Variants in RGS6 observed in about 807,000 individuals in gnomAD.
The protein encoded by RGS6 is regulator of G-protein signaling 6.
Under a neutral mutation model 78.5 loss-of-function variants are expected in RGS6, and 30 were observed. That is an observed-to-expected ratio of 0.38 (90% CI 0.29 to 0.52). The LOEUF is 0.52. Ranked by LOEUF, RGS6 falls within the 20% of genes least tolerant of loss-of-function variation. The pLI, the probability that RGS6 is intolerant of heterozygous loss-of-function variation, is 0.85. For missense variants in RGS6, 495 were observed against 609.7 expected, an observed-to-expected ratio of 0.81 and a Z score of 1.98; for synonymous variants, 206 against 206.0, an observed-to-expected ratio of 1.00 and a Z score of 0.00.
At chr14:72,148,966 C>T (rs1465302144) in intron 2 of RGS6, among the ~76,000 whole-genome samples, 1 of 152,166 alleles carries the variant, frequency 6.6e-6, no homozygotes, top group Non-Finnish European at 1.5e-5. Context: ...TTACTGTGCT[C>T]ATTAATCTGA....
At chr14:72,309,350 A>G (rs2068011005) in intron 2 of RGS6, among the ~76,000 whole-genome samples, 1 of 152,222 alleles carries the variant, frequency 6.6e-6, no homozygotes. Context: ...TCGTGGTTGC[A>G]AATCTAGCAC....
intron 3 of RGS6, among the ~76,000 whole-genome samples, chr14:72,440,796 A>AT (rs1490647452): frequency 6.6e-6 from 1 of 151,976 alleles, no homozygotes; most frequent in Non-Finnish European, 1.5e-5. Flanking sequence ...TGTTTTTGTC[A>AT]TTTTTCAGGG....
At chr14:71,918,397 A>G in the RGS6 span, among the ~76,000 whole-genome samples, 2 of 152,156 alleles carry the variant, frequency 1.3e-5, no homozygotes, top group African/African-American at 4.8e-5. Flanking sequence ...TTCACTTGCT[A>G]CATTAAATCA....
In RGS6 at chr14:72,323,119, ATGAT is replaced by A. The variant is rs2072563132; in HGVS notation, c.85-28974_85-28971del. Reference sequence around the variant, plus strand: ...TAAAATTATCATATATGCAGATGATATGATTATGTACTGTAAAACACAAAGAATC... The same window carrying A: ...TAAAATTATCATATATGCAGATGATATATGTACTGTAAAACACAAAGAATC... On this transcript the variant is annotated intron_variant, in intron 2 of 17. Transcript: ENST00000553525. Among the ~76,000 whole-genome samples, 2 of 152,302 alleles carry A rather than the reference ATGAT, an allele frequency of 1.3e-5. 1 individual carries two copies. Among genetic ancestry groups the A allele is most frequent in the South Asian group, 4.1e-4 (2 of 4,830 alleles).
intron 2 of RGS6, among the ~76,000 whole-genome samples, chr14:72,131,937 G>A (rs1161049640): frequency 1.3e-5 from 2 of 151,972 alleles, no homozygotes; most frequent in African/African-American, 4.8e-5. Context: ...TTTTAAAAAT[G>A]TACAGCAAAA....
At chr14:72,039,541 A>G (rs1386521410) in intron 2 of RGS6, among the ~76,000 whole-genome samples, 1 of 152,142 alleles carries the variant, frequency 6.6e-6, no homozygotes, top group Non-Finnish European at 1.5e-5. Flanking sequence ...TGTGCATGGA[A>G]TATCTTTTTC....
chr14:72,491,560 G>A (rs2096578343), intron 12 of RGS6, among the ~76,000 whole-genome samples: 1 of 152,118 alleles, frequency 6.6e-6, no homozygotes, highest in Admixed American at 6.5e-5. Flanking sequence ...TTACGTAATT[G>A]GGGAACATAA....
chr14:72,143,278 C>G (rs765004793), intron 2 of RGS6, among the ~76,000 whole-genome samples: 11 of 152,008 alleles, frequency 7.2e-5, no homozygotes, highest in Non-Finnish European at 1.6e-4. Flanking sequence ...GAGGCTGATG[C>G]AGGAGAATCG....
chr14:72,616,910 C>T, the RGS6 span, among the ~76,000 whole-genome samples: 1 of 152,170 alleles, frequency 6.6e-6, no homozygotes, highest in African/African-American at 2.4e-5. Flanking sequence ...GCTTGCTATC[C>T]CCGCTTTCCA....
At chr14:72,371,846 C>G (rs939038352) in intron 3 of RGS6, among the ~76,000 whole-genome samples, 2 of 152,176 alleles carry the variant, frequency 1.3e-5, no homozygotes, top group Non-Finnish European at 1.5e-5. Flanking sequence ...GTGTAGCTGA[C>G]CCGGGATCAC....
chr14:72,042,295 T>A (rs1475641830), intron 2 of RGS6, among the ~76,000 whole-genome samples: 1 of 151,796 alleles, frequency 6.6e-6, no homozygotes, highest in East Asian at 1.9e-4. Flanking sequence ...GCCTGGCTAA[T>A]TTTTTGTATT....
At chr14:72,569,111 G>GGGGT (rs776487877), downstream of RGS6, among the ~76,000 whole-genome samples, 12 of 137,628 alleles carry the variant, frequency 8.7e-5, no homozygotes, top group African/African-American at 3.0e-4. Context: ...GATTCTCTGG[G>GGGGT]GTGTGTGTGT....
At chr14:72,043,827 T>A (rs1426106636) in intron 2 of RGS6, among the ~76,000 whole-genome samples, 1 of 152,206 alleles carries the variant, frequency 6.6e-6, no homozygotes, top group African/African-American at 2.4e-5. Flanking sequence ...TTTGCTTCAT[T>A]CTTTCTTCCC....
At chr14:71,920,073 A>G in the RGS6 span, among the ~76,000 whole-genome samples, 1 of 152,322 alleles carries the variant, frequency 6.6e-6, no homozygotes, top group South Asian at 2.1e-4. Flanking sequence ...TAGGTTAGCA[A>G]TATTACACAG....
the RGS6 span, among the ~76,000 whole-genome samples, chr14:71,889,137 T>C: frequency 6.6e-6 from 1 of 152,042 alleles, no homozygotes; most frequent in African/African-American, 2.4e-5. Context: ...GCGGGCAGGA[T>C]CTCTGTGGTC....
chr14:72,089,907 G>A (rs900545249), intron 2 of RGS6, among the ~76,000 whole-genome samples: 4 of 152,086 alleles, frequency 2.6e-5, no homozygotes. Context: ...CTACACCAGG[G>A]TGCCAACTCC....
intron 2 of RGS6, among the ~76,000 whole-genome samples, chr14:72,109,266 C>A (rs542521772): frequency 4.6e-5 from 7 of 151,982 alleles, no homozygotes; most frequent in African/African-American, 1.7e-4. Context: ...CTATTTGTAT[C>A]TTGATGTTTG....
intron 17 of RGS6, among the ~76,000 whole-genome samples, chr14:72,556,100 CTT>C (rs141994399): frequency 0.098 from 14,909 of 152,056 alleles, 792 homozygotes; most frequent in East Asian, 0.15. Context: ...GATTCAAAAA[CTT>C]TTTAAAATAT....
intron 17 of RGS6, chr14:72,541,423 C>T: frequency 6.6e-7 from 1 of 1,524,462 alleles, no homozygotes; most frequent in Non-Finnish European, 8.8e-7. Flanking sequence ...CCATCCCTTC[C>T]CTTCCTCGGT....
Sources: allele counts gnomAD v4.1 joint callset (sites outside exome capture counted in the v4.1 genomes callset), GRCh38; gene constraint gnomAD v4.1.1; transcripts MANE v1.5; gene names NCBI Gene and HGNC (gene_info 2026-07-23, HGNC 2026-07-21).